Variants in KLF12 observed in about 807,000 individuals in gnomAD.
The protein encoded by KLF12 is Krueppel-like factor 12.
In KLF12, 9 loss-of-function variants were observed where a neutral mutation model predicts 37.8. That is an observed-to-expected ratio of 0.24 (90% confidence interval 0.14 to 0.42). The LOEUF (loss-of-function observed/expected upper bound fraction) is 0.42. Ranked by LOEUF, KLF12 falls within the 10% of genes least tolerant of loss-of-function variation. KLF12 has a pLI of 1.00. For missense variants in KLF12, 411 were observed against 516.0 expected (o/e 0.80, Z 1.97); for synonymous variants, 208 against 202.1 (o/e 1.03, Z -0.25).
chr13:74,184,592 T>C, the KLF12 span, among the ~76,000 whole-genome samples: 1 of 152,242 alleles, frequency 6.6e-6, no homozygotes. Flanking sequence ...CCAGCAAATA[T>C]TTTCTCCATT....
chr13:73,730,195 C>T (rs1489739095), intron 6 of KLF12, among the ~76,000 whole-genome samples: 1 of 152,282 alleles, frequency 6.6e-6, no homozygotes, highest in South Asian at 2.1e-4. Context: ...CTCTTGACTG[C>T]CTCTGTGCTG....
the KLF12 span, among the ~76,000 whole-genome samples, chr13:74,216,753 G>C: frequency 6.8e-6 from 1 of 147,470 alleles, no homozygotes; most frequent in Non-Finnish European, 1.5e-5. Flanking sequence ...TCAGAAACTG[G>C]AATCTATGTT....
intron 1 of KLF12, among the ~76,000 whole-genome samples, chr13:74,127,216 T>C (rs1232222589): frequency 6.6e-6 from 1 of 152,240 alleles, no homozygotes; most frequent in Admixed American, 6.5e-5. Flanking sequence ...AGCAAATATT[T>C]ATAAATGCAG....
intron 1 of KLF12, among the ~76,000 whole-genome samples, chr13:74,098,460 C>T (rs764575452): frequency 9.8e-5 from 15 of 152,296 alleles, no homozygotes; most frequent in Non-Finnish European, 2.2e-4. Context: ...GAGCTAAATT[C>T]TCATTCAGGT....
chr13:74,265,115 T>G, the KLF12 span, among the ~76,000 whole-genome samples: 1 of 152,196 alleles, frequency 6.6e-6, no homozygotes, highest in Non-Finnish European at 1.5e-5. Context: ...TACTAAGGCC[T>G]TGAGAAATAC....
chr13:74,057,534 A>G (rs1215398219), intron 1 of KLF12, among the ~76,000 whole-genome samples: 3 of 152,230 alleles, frequency 2.0e-5, no homozygotes, highest in African/African-American at 7.2e-5. Flanking sequence ...ATATCTATAA[A>G]TAAAAAAGAC....
At chr13:74,161,762 G>A in the KLF12 span, among the ~76,000 whole-genome samples, 1 of 152,078 alleles carries the variant, frequency 6.6e-6, no homozygotes, top group Non-Finnish European at 1.5e-5. Context: ...TAATTATTTA[G>A]CAATTGAGTA....
chr13:74,064,641 T>C (rs1005365345), intron 1 of KLF12, among the ~76,000 whole-genome samples: 19 of 152,126 alleles, frequency 1.2e-4, no homozygotes, highest in Non-Finnish European at 2.4e-4. Context: ...AAAGACACAA[T>C]GGAGATTCTG....
intron 1 of KLF12, among the ~76,000 whole-genome samples, chr13:74,122,835 C>T (rs1033440753): frequency 4.6e-5 from 7 of 151,596 alleles, no homozygotes; most frequent in Admixed American, 3.9e-4. Flanking sequence ...GTGTTCCTAA[C>T]GCTTAAGAAC....
Position 73,764,927 on chromosome 13 carries a change from T to C in KLF12, c.869+11A>G. ...AGACCTACAAATACTCATATTAGAC[T>C]GTATACTCACCAAGGAAACTTTTGA... is the stretch of plus-strand genomic sequence containing the variant. On this transcript the variant is annotated intron_variant, in intron 6 of 7. Transcript: ENST00000377669. 5.4e-6 allele frequency: 8 copies of C among 1,479,024 alleles called. No homozygotes were observed. Among genetic ancestry groups the C allele is most frequent in the Non-Finnish European group, 7.6e-6 (8 of 1,059,548 alleles). 91.6% of individuals were successfully genotyped at this position (1,479,024 alleles called of 1,614,324 possible).
At chr13:74,122,881 AAAAACATAAGTTATGGACT>A (rs1235122924) in intron 1 of KLF12, among the ~76,000 whole-genome samples, 1 of 151,892 alleles carries the variant, frequency 6.6e-6, no homozygotes, top group Non-Finnish European at 1.5e-5. Context: ...TAATCGTGCT[AAAAACATAAGTTATGGACT>A]AATGGAATGC....
chr13:74,003,542 A>G (rs1892334399), intron 1 of KLF12, among the ~76,000 whole-genome samples: 1 of 152,208 alleles, frequency 6.6e-6, no homozygotes, highest in Non-Finnish European at 1.5e-5. Context: ...CTGTCTTACA[A>G]TGCAAAGGGA....
chr13:74,150,306 G>A, the KLF12 span, among the ~76,000 whole-genome samples: 4,414 of 152,284 alleles, frequency 0.029, 216 homozygotes, highest in African/African-American at 0.098. Flanking sequence ...TGGAGCATTA[G>A]TACAGTAGTC....
At chr13:73,895,472 A>G (rs1193468039) in intron 3 of KLF12, among the ~76,000 whole-genome samples, 2 of 152,224 alleles carry the variant, frequency 1.3e-5, no homozygotes, top group South Asian at 4.1e-4. Flanking sequence ...TCATATATGA[A>G]ATTATATTTA....
At chr13:73,818,276 G>T (rs1301976602) in intron 4 of KLF12, among the ~76,000 whole-genome samples, 2 of 152,254 alleles carry the variant, frequency 1.3e-5, no homozygotes, top group Non-Finnish European at 2.9e-5. Flanking sequence ...CTCCCAAGTA[G>T]CTGGGATTAC....
At chr13:74,172,142 G>GACACACAC in the KLF12 span, among the ~76,000 whole-genome samples, 38,559 of 145,886 alleles carry the variant, frequency 0.26, 5,334 homozygotes, top group Non-Finnish European at 0.3. Context: ...TTTTCCTCAC[G>GACACACAC]ACACACACAC....
chr13:74,170,486 T>G, the KLF12 span, among the ~76,000 whole-genome samples: 1 of 152,224 alleles, frequency 6.6e-6, no homozygotes, highest in Non-Finnish European at 1.5e-5. Flanking sequence ...ATATTCATTC[T>G]CCTTAATGTA....
chr13:73,688,202 G>T lies in KLF12; in HGVS notation c.*7288C>A, dbSNP rs1309737579. The T allele has an allele frequency of 6.6e-6, 1 of 152,592 alleles. No homozygotes were observed. The highest frequency in any genetic ancestry group is 1.5e-5 in the Non-Finnish European group (1 of 68,024). 9.5% of individuals were successfully genotyped at this position (152,592 alleles called of 1,614,324 possible). On this transcript the variant is annotated 3_prime_UTR_variant, in exon 8 of 8. Coordinates refer to ENST00000377669, the MANE Select transcript of KLF12 (RefSeq NM_007249.5). ...ATGAATCAATACTGTCAGAGACCTT[G>T]TTCTACACAGAAAGTGGGAGGAATT...
At chr13:74,178,736 A>C in the KLF12 span, among the ~76,000 whole-genome samples, 1 of 152,062 alleles carries the variant, frequency 6.6e-6, no homozygotes, top group Non-Finnish European at 1.5e-5. Context: ...TTCTCTATGG[A>C]CCCCAATCTA....
Sources: allele counts gnomAD v4.1 joint callset (sites outside exome capture counted in the v4.1 genomes callset), GRCh38; gene constraint gnomAD v4.1.1; transcripts MANE v1.5; gene names NCBI Gene and HGNC (gene_info 2026-07-23, HGNC 2026-07-21).